TG: variants seen among roughly 807,000 people sequenced by gnomAD.
TG encodes thyroid hormones.
Under a neutral mutation model 324.7 loss-of-function variants are expected in TG, and 270 were observed. The observed-to-expected ratio is 0.83, with a 90% CI of 0.75 to 0.92. The LOEUF (loss-of-function observed/expected upper bound fraction) is 0.92. Among genes scored for constraint, TG ranks in the 40% least tolerant of loss-of-function variants. TG has a pLI of 0.00. For synonymous variants in TG, 1,401 were observed against 1,327.0 expected (o/e 1.06, Z -1.21); for missense variants, 3,591 against 3,456.4 (o/e 1.04, Z -0.98).
intron 41 of TG, among the ~76,000 whole-genome samples, chr8:133,089,406 A>T (rs1342124819): frequency 6.6e-6 from 1 of 152,186 alleles, no homozygotes; most frequent in African/African-American, 2.4e-5. Flanking sequence ...AGCACTGAGA[A>T]TGCAAAGACA....
rs73354697 is a variant in TG, at chr8:133,110,150, G to A, written c.7573-3272G>A. Among the ~76,000 whole-genome samples, 25 of 152,234 alleles carry A rather than the reference G, an allele frequency of 1.6e-4. 1 individual carries two copies. The highest frequency in any genetic ancestry group is 4.1e-4 in the African/African-American group (17 of 41,536). On this transcript the variant is annotated intron_variant, in intron 43 of 47. Coordinates refer to ENST00000220616, the MANE Select transcript of TG (RefSeq NM_003235.5). ...GAACCCACTTTAGTGCCACTGCACC[G>A]TTGTCCTTGTACCCTCCTGGGCTCC...
intron 22 of TG, among the ~76,000 whole-genome samples, chr8:132,924,512 A>G (rs1191671685): frequency 1.3e-5 from 2 of 152,198 alleles, no homozygotes; most frequent in Non-Finnish European, 2.9e-5. Flanking sequence ...GAGAATCAAC[A>G]TGAACCTATA....
At chr8:132,886,323 GT>G in intron 8 of TG, 124 bp from the exon 9 acceptor site, 1 of 1,329,696 alleles carries the variant, frequency 7.5e-7, no homozygotes, top group Non-Finnish European at 1.1e-6. Context: ...GAAGAAAGTG[GT>G]TTCAAACGTA....
At chr8:132,953,590 C>T (rs189899253) in intron 27 of TG, among the ~76,000 whole-genome samples, 4 of 152,304 alleles carry the variant, frequency 2.6e-5, no homozygotes, top group African/African-American at 9.6e-5. Flanking sequence ...CAGCCCCCAA[C>T]AAACAAACAA....
intron 11 of TG, 70 bp downstream of exon 11, chr8:132,893,999 C>T: frequency 1.2e-6 from 2 of 1,611,446 alleles, no homozygotes; most frequent in Non-Finnish European, 1.7e-6. Context: ...TTCGTCTCTC[C>T]TCAGTCATCC....
At chr8:133,010,262 C>G (rs1331146622) in intron 35 of TG, among the ~76,000 whole-genome samples, 1 of 152,192 alleles carries the variant, frequency 6.6e-6, no homozygotes, top group East Asian at 1.9e-4. Context: ...GAAAGAGGCA[C>G]TAGAGCCCCT....
In TG at chr8:132,965,921, G is replaced by C. The variant is rs1828500266; in HGVS notation, c.5549-639G>C. Among the ~76,000 whole-genome samples the C allele has an allele frequency of 2.6e-5, 4 of 152,232 alleles. No individual in the cohort carries two copies. In the South Asian group the frequency reaches 8.3e-4, roughly 31 times the overall value. ...AGAAAAGAATCTGGACTTATTTTCT[G>C]TAGGCAGTGGAGACTCCAGGAAGAG... On this transcript the variant is annotated intron_variant, in intron 29 of 47. Coordinates refer to ENST00000220616, the MANE Select transcript of TG (RefSeq NM_003235.5).
At chr8:133,060,187 G>C in intron 41 of TG, 1 of 1,613,222 alleles carries the variant, frequency 6.2e-7, no homozygotes, top group East Asian at 2.2e-5. Flanking sequence ...GGGGCCGCTG[G>C]TGATGCCCAG....
intron 45 of TG, among the ~76,000 whole-genome samples, chr8:133,127,876 AT>A (rs1315742479): frequency 6.6e-6 from 1 of 152,032 alleles, no homozygotes; most frequent in Admixed American, 6.6e-5. Flanking sequence ...CCACTCCGTG[AT>A]GGCCCAAGTG....
intron 41 of TG, among the ~76,000 whole-genome samples, chr8:133,040,786 A>G (rs1334612613): frequency 6.6e-6 from 1 of 152,208 alleles, no homozygotes; most frequent in Non-Finnish European, 1.5e-5. Context: ...AAAGTAGAAG[A>G]CACAGGAAGG....
chr8:133,122,626 C>T (rs1851227713), intron 45 of TG, among the ~76,000 whole-genome samples: 1 of 152,190 alleles, frequency 6.6e-6, no homozygotes, highest in Non-Finnish European at 1.5e-5. Flanking sequence ...TCACCTACAT[C>T]TGCAGAGAGT....
chr8:133,038,173 C>G (rs1442945466), intron 41 of TG: 2 of 296,162 alleles, frequency 6.8e-6, no homozygotes, highest in Non-Finnish European at 1.3e-5. Flanking sequence ...ACTGTCTGGA[C>G]AGGTCCAGTT....
chr8:132,891,624 T>C (rs1207892957), intron 10 of TG, among the ~76,000 whole-genome samples: 3 of 152,180 alleles, frequency 2.0e-5, no homozygotes, highest in Non-Finnish European at 2.9e-5. Flanking sequence ...CATGAACCAC[T>C]GCATCCAGCT....
intron 18 of TG, among the ~76,000 whole-genome samples, chr8:132,909,417 G>A (rs1324637400): frequency 6.6e-6 from 1 of 152,214 alleles, no homozygotes; most frequent in Non-Finnish European, 1.5e-5. Context: ...ATGCAGAAAG[G>A]AGTAAAATGT....
intron 41 of TG, chr8:133,040,487 C>G: frequency 3.7e-6 from 1 of 272,296 alleles, no homozygotes; most frequent in South Asian, 4.7e-5. Flanking sequence ...AGAAATGAAG[C>G]AACAAGTGAG....
chr8:132,972,520 T>G, intron 33 of TG, 78 bp from the exon 34 acceptor site: 1 of 1,539,640 alleles, frequency 6.5e-7, no homozygotes, highest in Non-Finnish European at 8.9e-7. Flanking sequence ...ACTTGCAGAA[T>G]TTTTCTCATT....
intron 16 of TG, 150 bp from the exon 17 acceptor site, chr8:132,906,538 C>T: frequency 1.2e-6 from 1 of 860,384 alleles, no homozygotes; most frequent in East Asian, 2.6e-5. Flanking sequence ...GGGAGCAGGC[C>T]CAGGCCAGGC....
At chr8:132,929,714 C>T (rs1822414029) in intron 23 of TG, among the ~76,000 whole-genome samples, 1 of 152,194 alleles carries the variant, frequency 6.6e-6, no homozygotes, top group Non-Finnish European at 1.5e-5. Context: ...TCAAAGCCTG[C>T]AGTCTTTTTT....
intron 35 of TG, among the ~76,000 whole-genome samples, chr8:132,993,373 T>C (rs982638313): frequency 6.6e-6 from 1 of 152,232 alleles, no homozygotes; most frequent in Non-Finnish European, 1.5e-5. Context: ...CTTAAGTATG[T>C]GACCTTGGCC....
Sources: gnomAD v4.1 joint callset for allele counts (sites outside exome capture counted in the v4.1 genomes callset) on GRCh38, gnomAD v4.1.1 for gene constraint, MANE v1.5 for transcripts, NCBI Gene and HGNC (gene_info 2026-07-23, HGNC 2026-07-21) for gene names.